BCLAF1: variants seen among roughly 807,000 people sequenced by gnomAD.
BCLAF1 encodes the protein bcl-2-associated transcription factor 1.
BCLAF1 carries 10 observed loss-of-function variants against 99.5 expected under a neutral mutation model. The ratio of observed to expected loss-of-function variants is 0.10; its 90% CI spans 0.06 to 0.17. The LOEUF (loss-of-function observed/expected upper bound fraction) is 0.17. Among genes scored for constraint, BCLAF1 ranks in the 10% least tolerant of loss-of-function variants. The pLI is 1.00. For missense variants in BCLAF1, 636 were observed against 1,105.8 expected (o/e 0.58, Z 6.02); for synonymous variants, 255 against 370.9 (o/e 0.69, Z 3.59).
chr6:136,264,007 T>C (rs1433852697), intron 11 of BCLAF1, among the ~76,000 whole-genome samples: 1 of 152,170 alleles, frequency 6.6e-6, no homozygotes, highest in Admixed American at 6.5e-5. Flanking sequence ...TGGAGCCCAA[T>C]GCATAAATCC....
rs776920842 is a variant in BCLAF1, at chr6:136,260,494, A to G, written c.*616T>C. On this transcript the variant is annotated 3_prime_UTR_variant, in exon 13 of 13. Coordinates refer to ENST00000531224, the MANE Select transcript of BCLAF1 (RefSeq NM_014739.3). ...AATAACATTTTCTCAAAACTTTTCA[A>G]TCTGATTTTTAATAGCTTGTACTTT... is the stretch of plus-strand genomic sequence containing the variant. 6.6e-6 allele frequency: 1 copy of G among 152,312 alleles called. No individual in the cohort carries two copies. The highest frequency in any genetic ancestry group is 1.5e-5 in the Non-Finnish European group (1 of 67,916). 9.4% of individuals were successfully genotyped at this position (152,312 alleles called of 1,614,324 possible).
chr6:136,284,180 A>T, intron 1 of BCLAF1, among the ~76,000 whole-genome samples: 1 of 147,134 alleles, frequency 6.8e-6, no homozygotes, highest in Non-Finnish European at 1.5e-5. Context: ...CCCAACTGCC[A>T]GATCTCTTTA....
At chr6:136,283,992 A>T (rs965763564) in intron 1 of BCLAF1, among the ~76,000 whole-genome samples, 1 of 151,904 alleles carries the variant, frequency 6.6e-6, no homozygotes, top group Non-Finnish European at 1.5e-5. Flanking sequence ...TACTGTCATA[A>T]AACTATTCTG....
intron 11 of BCLAF1, 97 bp from the exon 12 acceptor site, chr6:136,261,574 G>C: frequency 8.1e-7 from 1 of 1,238,998 alleles, no homozygotes; most frequent in South Asian, 1.5e-5. Context: ...CTGAAGATTG[G>C]GTATATGAGA....
At chr6:136,265,670 A>G (rs1026552763) in intron 11 of BCLAF1, among the ~76,000 whole-genome samples, 1 of 152,194 alleles carries the variant, frequency 6.6e-6, no homozygotes, top group South Asian at 2.1e-4. Context: ...TGCTATGTGC[A>G]GTACACTTGC....
At chr6:136,269,391 G>A (rs1322906601) in intron 9 of BCLAF1, 46 bp downstream of exon 9, 8 of 1,582,294 alleles carry the variant, frequency 5.1e-6, no homozygotes, top group Non-Finnish European at 6.9e-6. Flanking sequence ...AATTATTAAA[G>A]GCTAATTAGA....
Position 136,275,954 on chromosome 6 carries a change from T to C in BCLAF1, c.1571A>G (p.Lys524Arg). The C allele has an allele frequency of 6.2e-7, 1 of 1,612,802 alleles. No individual in the cohort carries two copies. The highest frequency in any genetic ancestry group is 8.5e-7 in the Non-Finnish European group (1 of 1,179,600). Residue 524 changes from lysine (K) to arginine (R), a missense_variant, in exon 5 of 13, where the codon AAG becomes AGG. By Grantham distance (26) the Lys-to-Arg change is conservative. Transcript: ENST00000531224. The part of the protein sequence containing the change: ...PLHKNLDARE[K>R]STFREESPLR... ...TGGGCTTTCCTCTCTGAAGGTAGAC[T>C]TTTCTCGTGCATCCAGATTCTTGTG...
chr6:136,275,065 G>C (rs924946372), intron 6 of BCLAF1, among the ~76,000 whole-genome samples: 1 of 151,116 alleles, frequency 6.6e-6, no homozygotes, highest in Admixed American at 6.6e-5. Flanking sequence ...CGCAAAAAAA[G>C]TGTTTTTCCA....
Position 136,259,821 on chromosome 6 carries a change from G to C in BCLAF1, c.*1289C>G, listed in dbSNP as rs1780755209. 1 of 151,974 alleles carries C rather than the reference G, an allele frequency of 6.6e-6. No individual in the cohort carries two copies. Among genetic ancestry groups the C allele is most frequent in the Non-Finnish European group, 1.5e-5 (1 of 67,884 alleles). The allele number at this position is 151,974 out of a possible 1,614,324, so 9.4% of individuals were successfully genotyped here. On this transcript the variant is annotated 3_prime_UTR_variant, in exon 13 of 13. Coordinates refer to ENST00000531224, the MANE Select transcript of BCLAF1 (RefSeq NM_014739.3). ...ACACAACTAAATTAACAAATGAAAT[G>C]TGTCTACTTTTATATATGCCCATAA...
intron 1 of BCLAF1, among the ~76,000 whole-genome samples, chr6:136,288,612 T>C (rs753243745): frequency 2.7e-5 from 4 of 150,086 alleles, no homozygotes; most frequent in Non-Finnish European, 5.9e-5. Context: ...TTTTCGTCAG[T>C]GTTAGCCACA....
intron 11 of BCLAF1, among the ~76,000 whole-genome samples, chr6:136,265,340 T>C (rs947177581): frequency 6.6e-6 from 1 of 152,146 alleles, no homozygotes; most frequent in African/African-American, 2.4e-5. Flanking sequence ...ATTCAACCTG[T>C]TCAGAACAGA....
intron 11 of BCLAF1, among the ~76,000 whole-genome samples, chr6:136,264,445 T>A (rs1040699421): frequency 2.8e-4 from 42 of 152,168 alleles, no homozygotes; most frequent in African/African-American, 9.9e-4. Flanking sequence ...GACCTCATGA[T>A]CCACCTGTCT....
chr6:136,261,580 T>A, intron 11 of BCLAF1, 103 bp from the exon 12 acceptor site: 1 of 1,195,030 alleles, frequency 8.4e-7, no homozygotes, highest in African/African-American at 1.5e-5. Flanking sequence ...ATTGGGTATA[T>A]GAGATTGGTA....
At chr6:136,281,145 A>C (rs12199919) in intron 2 of BCLAF1, among the ~76,000 whole-genome samples, 103 of 152,300 alleles carry the variant, frequency 6.8e-4, no homozygotes, top group Admixed American at 1.2e-3. Context: ...GCTTATTTCA[A>C]AATAAAACAT....
At chr6:136,284,368 AAGTC>A (rs1476781314) in intron 1 of BCLAF1, among the ~76,000 whole-genome samples, 6 of 152,074 alleles carry the variant, frequency 3.9e-5, no homozygotes, top group South Asian at 4.1e-4. Context: ...CACAATAAAT[AAGTC>A]AGTATCAAAG....
intron 11 of BCLAF1, among the ~76,000 whole-genome samples, chr6:136,265,798 A>G (rs1562234171): frequency 6.6e-6 from 1 of 152,122 alleles, no homozygotes; most frequent in Non-Finnish European, 1.5e-5. Flanking sequence ...GCCACCATAT[A>G]TATTTAGAAT....
intron 1 of BCLAF1, among the ~76,000 whole-genome samples, chr6:136,284,140 A>G (rs1312940972): frequency 9.4e-4 from 135 of 143,168 alleles, no homozygotes; most frequent in East Asian, 4.0e-3. Flanking sequence ...GTATATATAT[A>G]TATATATATA....
At chr6:136,280,159 G>T (rs1438439808) in intron 2 of BCLAF1, among the ~76,000 whole-genome samples, 1 of 152,102 alleles carries the variant, frequency 6.6e-6, no homozygotes, top group Admixed American at 6.5e-5. Flanking sequence ...GCAGAAGCCA[G>T]AAAAAGCAAT....
At chr6:136,264,963 G>A (rs543551666) in intron 11 of BCLAF1, among the ~76,000 whole-genome samples, 113 of 152,214 alleles carry the variant, frequency 7.4e-4, no homozygotes, top group African/African-American at 2.6e-3. Context: ...CTAAGTAAAC[G>A]CCAACCCAAA....
Sources: allele counts gnomAD v4.1 joint callset (sites outside exome capture counted in the v4.1 genomes callset), GRCh38; gene constraint gnomAD v4.1.1; transcripts MANE v1.5; gene names NCBI Gene and HGNC (gene_info 2026-07-23, HGNC 2026-07-21).